Variants in GATA4 observed in about 807,000 individuals in gnomAD.
GATA4 encodes the protein GATA binding protein 4, also known as transcription factor GATA-4.
GATA4 carries 7 observed loss-of-function variants against 37.9 expected under a neutral mutation model. The observed-to-expected ratio is 0.18, with a 90% CI of 0.11 to 0.35. The LOEUF (loss-of-function observed/expected upper bound fraction) is 0.35, where lower values mean the gene tolerates loss of function less well. Ranked by LOEUF, GATA4 falls within the 10% of genes least tolerant of loss-of-function variation. The pLI is 1.00. For missense variants in GATA4, 647 were observed against 653.0 expected, an observed-to-expected ratio of 0.99 and a Z score of 0.10; for synonymous variants, 372 against 292.6, an observed-to-expected ratio of 1.27 and a Z score of -2.77.
intron 1 of GATA4, chr8:11,680,879 C>T (rs1403791566): frequency 1.4e-5 from 14 of 985,234 alleles, no homozygotes; most frequent in African/African-American, 1.7e-5. Flanking sequence ...TTCTCAGTTG[C>T]GACCCCCTGT....
At chr8:11,736,601 G>C (rs925435430) in intron 2 of GATA4, among the ~76,000 whole-genome samples, 2 of 152,258 alleles carry the variant, frequency 1.3e-5, no homozygotes, top group African/African-American at 2.4e-5. Flanking sequence ...ACCCCGGGGG[G>C]TGTGGATGTG....
At chr8:11,753,294 G>A (rs1802389459) in intron 4 of GATA4, among the ~76,000 whole-genome samples, 1 of 152,184 alleles carries the variant, frequency 6.6e-6, no homozygotes, top group Admixed American at 6.5e-5. Flanking sequence ...TAGAATGGAG[G>A]CTGTCGGGGG....
intron 1 of GATA4, chr8:11,697,732 C>T (rs1799547321): frequency 2.0e-6 from 2 of 985,478 alleles, no homozygotes; most frequent in Non-Finnish European, 1.2e-6. Context: ...TTTCCTGTCT[C>T]TGCTCGCCGC....
At chr8:11,684,089 C>T (rs547851895) in intron 1 of GATA4, among the ~76,000 whole-genome samples, 1 of 152,354 alleles carries the variant, frequency 6.6e-6, no homozygotes, top group Admixed American at 6.5e-5. Flanking sequence ...ACGACCTGGG[C>T]TGTGCCATGG....
upstream of GATA4, among the ~76,000 whole-genome samples, chr8:11,703,634 C>A (rs1284992576): frequency 6.6e-6 from 1 of 152,234 alleles, no homozygotes. Flanking sequence ...GACCATCTCC[C>A]TGGGATTTTG....
intron 2 of GATA4, among the ~76,000 whole-genome samples, chr8:11,736,205 T>C (rs1266699792): frequency 6.6e-6 from 1 of 152,246 alleles, no homozygotes; most frequent in African/African-American, 2.4e-5. Context: ...ATGCCTGGCC[T>C]GTTTGAATTT....
chr8:11,755,215 C>T, intron 5 of GATA4, 82 bp downstream of exon 5: 3 of 1,207,874 alleles, frequency 2.5e-6, no homozygotes, highest in Non-Finnish European at 2.4e-6. Context: ...CCGGGTTAGG[C>T]AGGCCAGCCC....
intron 2 of GATA4, among the ~76,000 whole-genome samples, chr8:11,712,362 A>G (rs999271899): frequency 5.3e-5 from 8 of 152,200 alleles, no homozygotes; most frequent in Non-Finnish European, 1.2e-4. Context: ...CTGAGAACAA[A>G]GAAGAAACAG....
rs1802232996 is a variant in GATA4, at chr8:11,750,197, T to C, written c.873T>C (p.Pro291=). The C allele has an allele frequency of 6.2e-7, 1 of 1,613,662 alleles. No homozygotes were observed. The highest frequency in any genetic ancestry group is 2.2e-5 in the East Asian group (1 of 44,892). ...TLWRRNAEGE[P]VCNACGLYMK... is the part of the protein sequence containing the mutation. Reference sequence around the variant, plus strand: ...GGCGCCGCAATGCGGAGGGCGAGCCTGTGTGCAATGCCTGCGGCCTCTACA... The same window carrying C: ...GGCGCCGCAATGCGGAGGGCGAGCCCGTGTGCAATGCCTGCGGCCTCTACA... The change falls in exon 4 of 7, where the codon CCT becomes CCC. Residue 291 remains proline (P), a synonymous_variant. Coordinates refer to ENST00000532059, the MANE Select transcript of GATA4 (RefSeq NM_001308093.3).
chr8:11,758,511 C>G lies in GATA4; in HGVS notation c.*36C>G. The G allele has an allele frequency of 6.2e-7, 1 of 1,610,050 alleles. No homozygotes were observed. Among genetic ancestry groups the G allele is most frequent in the Non-Finnish European group, 8.5e-7 (1 of 1,176,374 alleles). On this transcript the variant is annotated 3_prime_UTR_variant, in exon 7 of 7. Coordinates refer to ENST00000532059, the MANE Select transcript of GATA4 (RefSeq NM_001308093.3). ...TCCCTCCTCAAATTCCTGCACGGAC[C>G]TGGGACTTGGAGGATAGCAAAGAAG...
intron 4 of GATA4, among the ~76,000 whole-genome samples, chr8:11,754,445 T>C (rs1802454981): frequency 6.6e-6 from 1 of 152,308 alleles, no homozygotes; most frequent in East Asian, 1.9e-4. Flanking sequence ...CTCGAACTCC[T>C]GGGCTCAAGC....
intron 2 of GATA4, among the ~76,000 whole-genome samples, chr8:11,722,195 G>C (rs1800707756): frequency 6.9e-6 from 1 of 145,084 alleles, no homozygotes; most frequent in African/African-American, 2.9e-5. Flanking sequence ...TAAAAATAGA[G>C]AGTAGAATAT....
At chr8:11,705,259 TTCA>T (rs566794162) in intron 1 of GATA4, among the ~76,000 whole-genome samples, 214 of 152,244 alleles carry the variant, frequency 1.4e-3, no homozygotes, top group African/African-American at 5.1e-3. Context: ...GAGAGCAGGT[TTCA>T]GGCTTTTAAA....
chr8:11,721,516 A>G (rs995735392), intron 2 of GATA4, among the ~76,000 whole-genome samples: 4 of 151,954 alleles, frequency 2.6e-5, no homozygotes, highest in African/African-American at 9.7e-5. Context: ...CCTCCCGCTG[A>G]GTCACCCATT....
At chr8:11,753,640 C>A (rs1409051395) in intron 4 of GATA4, among the ~76,000 whole-genome samples, 1 of 151,758 alleles carries the variant, frequency 6.6e-6, no homozygotes, top group Admixed American at 6.6e-5. Context: ...AAATAGGGGT[C>A]TGGGTGTAGA....
intron 1 of GATA4, chr8:11,697,487 A>G (rs1455582865): frequency 1.1e-6 from 1 of 918,904 alleles, no homozygotes; most frequent in East Asian, 1.2e-4. Context: ...GGAGGGGAGC[A>G]GCGCTCTCGG....
intron 2 of GATA4, among the ~76,000 whole-genome samples, chr8:11,726,321 C>T (rs1269640359): frequency 2.0e-5 from 3 of 152,170 alleles, no homozygotes; most frequent in South Asian, 2.1e-4. Flanking sequence ...CCCTGAGAGA[C>T]GCCAGGGAGA....
intron 2 of GATA4, among the ~76,000 whole-genome samples, chr8:11,746,978 C>T (rs1306141802): frequency 2.0e-5 from 3 of 152,222 alleles, no homozygotes; most frequent in Non-Finnish European, 2.9e-5. Flanking sequence ...CCCCACCATC[C>T]TCTTCTCTGG....
At chr8:11,680,774 C>T in intron 1 of GATA4, 1 of 985,324 alleles carries the variant, frequency 1.0e-6, no homozygotes, top group African/African-American at 1.7e-5. Context: ...TCTCCAGATG[C>T]GAGGTGCTCA....
Sources: gnomAD v4.1 joint callset for allele counts (sites outside exome capture counted in the v4.1 genomes callset) on GRCh38, gnomAD v4.1.1 for gene constraint, MANE v1.5 for transcripts, NCBI Gene and HGNC (gene_info 2026-07-23, HGNC 2026-07-21) for gene names.